The following TMEM30A variants were observed in gnomAD, a reference collection of about 807,000 sequenced individuals.
The protein encoded by TMEM30A is cell division cycle 50 P4-ATPase accessory subunit A, also known as cell cycle control protein 50A.
Under a neutral mutation model 38.2 loss-of-function variants are expected in TMEM30A, and 24 were observed. The observed-to-expected ratio is 0.63, with a 90% CI of 0.46 to 0.88. The LOEUF is 0.88. Among genes scored for constraint, TMEM30A ranks in the 40% least tolerant of loss-of-function variants. The pLI, the probability that TMEM30A is intolerant of heterozygous loss-of-function variation, is 0.00. For synonymous variants in TMEM30A, 145 were observed against 161.6 expected (o/e 0.90, Z 0.78); for missense variants, 370 against 458.6 (o/e 0.81, Z 1.77).
At chr6:75,263,380 T>G (rs1772006610) in intron 3 of TMEM30A, among the ~76,000 whole-genome samples, 1 of 152,188 alleles carries the variant, frequency 6.6e-6, no homozygotes, top group Non-Finnish European at 1.5e-5. Context: ...GAAGTGATAT[T>G]TATACTTTTT....
chr6:75,260,389 G>A (rs938890047), intron 4 of TMEM30A, among the ~76,000 whole-genome samples: 3 of 151,190 alleles, frequency 2.0e-5, no homozygotes, highest in Non-Finnish European at 2.9e-5. Flanking sequence ...CTGGGCGACA[G>A]AATGACGCTC....
intron 1 of TMEM30A, among the ~76,000 whole-genome samples, chr6:75,271,223 G>A (rs1772162484): frequency 2.0e-5 from 3 of 151,552 alleles, no homozygotes; most frequent in African/African-American, 7.3e-5. Flanking sequence ...AGTTTCTAGG[G>A]GCAAAATCTG....
chr6:75,256,623 C>A (rs562395274), intron 6 of TMEM30A: 3 of 357,402 alleles, frequency 8.4e-6, no homozygotes, highest in Admixed American at 4.3e-5. Context: ...AAAAATACTT[C>A]AAGTGAACAA....
intron 3 of TMEM30A, among the ~76,000 whole-genome samples, chr6:75,264,269 G>T (rs1772024007): frequency 6.6e-6 from 1 of 152,186 alleles, no homozygotes; most frequent in African/African-American, 2.4e-5. Flanking sequence ...TGTATTCTAA[G>T]AGATTCATTA....
intron 1 of TMEM30A, among the ~76,000 whole-genome samples, chr6:75,281,002 C>T (rs1214981322): frequency 6.6e-6 from 1 of 151,810 alleles, no homozygotes; most frequent in African/African-American, 2.4e-5. Context: ...ATTAAATAAT[C>T]GAGGGCAGTA....
intron 1 of TMEM30A, among the ~76,000 whole-genome samples, chr6:75,276,965 T>C (rs191458367): frequency 6.6e-6 from 1 of 152,218 alleles, no homozygotes; most frequent in East Asian, 1.9e-4. Context: ...CATATCAATA[T>C]GGTTCACTCT....
intron 1 of TMEM30A, among the ~76,000 whole-genome samples, chr6:75,275,303 C>G (rs1329386793): frequency 1.3e-5 from 2 of 152,210 alleles, no homozygotes; most frequent in Non-Finnish European, 2.9e-5. Context: ...GCTAATTAGG[C>G]CTTTATACAT....
intron 6 of TMEM30A, 110 bp downstream of exon 6, chr6:75,258,670 T>C: frequency 1.1e-6 from 1 of 901,220 alleles, no homozygotes; most frequent in Non-Finnish European, 1.7e-6. Context: ...TTTGTAAAAA[T>C]GCAGAGACCA....
intron 4 of TMEM30A, among the ~76,000 whole-genome samples, chr6:75,259,742 A>C (rs991507111): frequency 2.6e-5 from 4 of 152,228 alleles, no homozygotes; most frequent in Non-Finnish European, 5.9e-5. Flanking sequence ...CAGTAAGATC[A>C]AATGTTTTAA....
At position 75,258,466 on chromosome 6, in the gene TMEM30A, A is replaced by C. The variant is rs1383180378; in HGVS notation, c.892+314T>G. On this transcript the variant is annotated intron_variant, in intron 6 of 6. Transcript: ENST00000230461. ...TCAACACCCAATTTTAGGTACTCTC[A>C]TTGGCCTTTACATTAAGCCCAATTA... 2.0e-5 allele frequency among the ~76,000 whole-genome samples: 3 copies of C among 152,238 alleles called. No homozygotes were observed. The East Asian group carries it at 5.8e-4, about 29-fold the overall frequency.
intron 1 of TMEM30A, among the ~76,000 whole-genome samples, chr6:75,280,477 C>A (rs969434360): frequency 1.3e-5 from 2 of 152,054 alleles, no homozygotes; most frequent in South Asian, 2.1e-4. Context: ...ATAATATGTA[C>A]AATTTTTTGG....
chr6:75,280,364 G>C (rs144508315), intron 1 of TMEM30A, among the ~76,000 whole-genome samples: 1 of 152,216 alleles, frequency 6.6e-6, no homozygotes, highest in East Asian at 1.9e-4. Flanking sequence ...AGGCTTTGTG[G>C]ACCCAGAAGC....
chr6:75,266,015 T>C (rs1772062515), intron 2 of TMEM30A, among the ~76,000 whole-genome samples: 2 of 152,178 alleles, frequency 1.3e-5, no homozygotes, highest in Non-Finnish European at 2.9e-5. Context: ...TCAAGAAAAG[T>C]ACTTTAATAT....
chr6:75,274,744 C>T (rs1772230489), intron 1 of TMEM30A, among the ~76,000 whole-genome samples: 1 of 152,144 alleles, frequency 6.6e-6, no homozygotes, highest in Non-Finnish European at 1.5e-5. Context: ...AGTTCTCAGG[C>T]CGGGCGCGGT....
At chr6:75,281,975 T>G (rs994600857) in intron 1 of TMEM30A, among the ~76,000 whole-genome samples, 1 of 152,368 alleles carries the variant, frequency 6.6e-6, no homozygotes, top group South Asian at 2.1e-4. Context: ...ATGTGGATTC[T>G]GTCTGCACAA....
Position 75,284,597 on chromosome 6 carries a change from C to G in TMEM30A, c.42G>C (p.Gly14=). The change falls in exon 1 of 7, where the codon GGG becomes GGC. Residue 14 remains glycine, a synonymous_variant. Coordinates refer to ENST00000230461, the MANE Select transcript of TMEM30A (RefSeq NM_018247.4). ...CGGTGCCCCCCGGAGCACACGGGGG[C>G]CCACCGTCCACTTCATCCTTCGCGT... ...NYNAKDEVDG[G]PPCAPGGTAK... 6.2e-7 allele frequency: 1 copy of G among 1,613,700 alleles called. No homozygotes were observed. The highest frequency in any genetic ancestry group is 1.1e-5 in the South Asian group (1 of 91,060).
chr6:75,269,984 C>A lies in TMEM30A; in HGVS notation c.238-2236G>T, dbSNP rs576606722. Among the ~76,000 whole-genome samples the A allele has an allele frequency of 2.0e-5, 3 of 152,108 alleles. No homozygotes were observed. In the South Asian group the frequency reaches 6.2e-4, roughly 31 times the overall value. ...CTGGGATTACAGGCATGAGCCACCG[C>A]GCCCGGCCCCATTATTTCTCTTAAA... On this transcript the variant is annotated intron_variant, in intron 1 of 6. Transcript: ENST00000230461.
chr6:75,276,982 T>C (rs1162262817), intron 1 of TMEM30A, among the ~76,000 whole-genome samples: 1 of 151,926 alleles, frequency 6.6e-6, no homozygotes, highest in Non-Finnish European at 1.5e-5. Flanking sequence ...CTCTCTTCCC[T>C]CTTTTGGTTC....
At position 75,262,802 on chromosome 6, in the gene TMEM30A, C is replaced by G. The variant is rs370044790; in HGVS notation, c.454-1891G>C. 3.3e-5 allele frequency among the ~76,000 whole-genome samples: 5 copies of G among 152,318 alleles called. No individual in the cohort carries two copies. In the South Asian group the frequency reaches 1.0e-3, roughly 32 times the overall value. ...CTCAAAATGTAACAGGGGAAGCAGACCCTTACAAAACCAACTATCATACGA... is the reference window on the plus strand; with the variant it reads ...CTCAAAATGTAACAGGGGAAGCAGAGCCTTACAAAACCAACTATCATACGA... On this transcript the variant is annotated intron_variant, in intron 3 of 6. Transcript: ENST00000230461.
Sources: allele counts gnomAD v4.1 joint callset (sites outside exome capture counted in the v4.1 genomes callset), GRCh38; gene constraint gnomAD v4.1.1; transcripts MANE v1.5; gene names NCBI Gene and HGNC (gene_info 2026-07-23, HGNC 2026-07-21).